Variants in SHANK2 observed in about 807,000 individuals in gnomAD.
The protein encoded by SHANK2 is SH3 and multiple ankyrin repeat domains protein 2.
In SHANK2, 43 loss-of-function variants were observed where a neutral mutation model predicts 133.7. The observed-to-expected ratio is 0.32, with a 90% confidence interval of 0.25 to 0.41. SHANK2 has a LOEUF of 0.41. Among genes scored for constraint, SHANK2 ranks in the 10% least tolerant of loss-of-function variants. The pLI, the probability that SHANK2 is intolerant of heterozygous loss-of-function variation, is 1.00. For missense variants in SHANK2, 1,994 were observed against 2,235.8 expected, an observed-to-expected ratio of 0.89 and a Z score of 2.18; for synonymous variants, 1,017 against 952.8, an observed-to-expected ratio of 1.07 and a Z score of -1.24.
intron 17 of SHANK2, among the ~76,000 whole-genome samples, chr11:70,568,646 G>GGCCC (rs2059999450): frequency 6.3e-5 from 5 of 79,960 alleles, no homozygotes; most frequent in East Asian, 3.2e-4. Context: ...GCGGATTCCT[G>GGCCC]CCCCCCCCGC....
At chr11:70,676,421 C>T (rs1263883687) in intron 15 of SHANK2, among the ~76,000 whole-genome samples, 1 of 152,198 alleles carries the variant, frequency 6.6e-6, no homozygotes, top group Non-Finnish European at 1.5e-5. Context: ...CTGGCACCCC[C>T]TCCTTTACGT....
intron 1 of SHANK2, among the ~76,000 whole-genome samples, chr11:71,237,682 A>G (rs1954840818): frequency 1.3e-5 from 2 of 152,212 alleles, no homozygotes; most frequent in Admixed American, 6.5e-5. Flanking sequence ...TTTGTCTAAC[A>G]CCAAAGGCCC....
intron 4 of SHANK2, among the ~76,000 whole-genome samples, chr11:71,115,417 C>T (rs1555100152): frequency 2.6e-5 from 4 of 151,662 alleles, no homozygotes; most frequent in South Asian, 4.2e-4. Flanking sequence ...TGCAGTGAGC[C>T]GAGATCACAC....
At chr11:71,123,264 C>A (rs1165317400) in intron 3 of SHANK2, among the ~76,000 whole-genome samples, 2 of 152,186 alleles carry the variant, frequency 1.3e-5, no homozygotes, top group Non-Finnish European at 2.9e-5. Flanking sequence ...GTGGGAGCCA[C>A]AAAGACAATA....
rs551243732 is a variant in SHANK2 at position 71,106,865 on chromosome 11, C to A, written c.592+3076G>T. Among the ~76,000 whole-genome samples the A allele has an allele frequency of 2.0e-5, 3 of 152,190 alleles. No individual in the cohort carries two copies. The East Asian group carries it at 5.8e-4, about 30-fold the overall frequency. Reference sequence around the variant, plus strand: ...AGAGGCCAGGCGTGGTGGCACACACCTGTAATCCCAACACTTCGGAAGGCC... The same window carrying A: ...AGAGGCCAGGCGTGGTGGCACACACATGTAATCCCAACACTTCGGAAGGCC... On this transcript the variant is annotated intron_variant, in intron 6 of 25. Coordinates refer to ENST00000601538, the MANE Select transcript of SHANK2 (RefSeq NM_012309.5).
At chr11:70,489,373 T>TC (rs781978450) in intron 23 of SHANK2, 25 bp from the exon 24 acceptor site, 34 of 1,613,262 alleles carry the variant, frequency 2.1e-5, no homozygotes, top group Non-Finnish European at 2.8e-5. Context: ...TCAGTTGTTA[T>TC]TAACCAGTAA....
intron 3 of SHANK2, among the ~76,000 whole-genome samples, chr11:71,123,258 G>T (rs545541692): frequency 5.3e-5 from 8 of 152,306 alleles, no homozygotes; most frequent in Admixed American, 4.6e-4. Context: ...AATGATGTGG[G>T]AGCCACAAAG....
intron 15 of SHANK2, among the ~76,000 whole-genome samples, chr11:70,697,567 T>TACTA (rs1293225434): frequency 6.6e-6 from 1 of 152,228 alleles, no homozygotes; most frequent in Non-Finnish European, 1.5e-5. Context: ...ATCGTAAACG[T>TACTA]ACTAACTGCC....
chr11:70,584,610 T>G (rs2060224308), intron 17 of SHANK2, among the ~76,000 whole-genome samples: 1 of 152,132 alleles, frequency 6.6e-6, no homozygotes, highest in South Asian at 2.1e-4. Flanking sequence ...TAAACCCACT[T>G]ACACTGCCTA....
chr11:70,859,371 C>T (rs782738326), intron 11 of SHANK2, among the ~76,000 whole-genome samples: 1 of 151,486 alleles, frequency 6.6e-6, no homozygotes, highest in Non-Finnish European at 1.5e-5. Context: ...GGTAGGCAAG[C>T]GAGTAGGTGG....
At chr11:71,231,829 C>A (rs1555122979) in intron 1 of SHANK2, among the ~76,000 whole-genome samples, 1 of 151,788 alleles carries the variant, frequency 6.6e-6, no homozygotes, top group Admixed American at 6.6e-5. Flanking sequence ...ACAGAGCTTG[C>A]AGTGAGCCAA....
At chr11:71,148,945 A>G (rs1952707647) in intron 2 of SHANK2, among the ~76,000 whole-genome samples, 1 of 151,730 alleles carries the variant, frequency 6.6e-6, no homozygotes, top group South Asian at 2.1e-4. Context: ...CCAATGCAGG[A>G]GAGCAGTTCC....
intron 2 of SHANK2, among the ~76,000 whole-genome samples, chr11:71,192,877 G>C (rs530764494): frequency 1.3e-5 from 2 of 152,304 alleles, no homozygotes; most frequent in South Asian, 4.1e-4. Context: ...ATCGCAGGCA[G>C]GGTGCTTGAG....
intron 17 of SHANK2, among the ~76,000 whole-genome samples, chr11:70,598,814 G>A (rs1293329970): frequency 5.3e-5 from 8 of 151,660 alleles, no homozygotes; most frequent in Non-Finnish European, 7.4e-5. Flanking sequence ...TGTAATTTTT[G>A]CAAGTGATAC....
At chr11:70,941,621 C>G (rs1334049894) in intron 10 of SHANK2, among the ~76,000 whole-genome samples, 1 of 151,988 alleles carries the variant, frequency 6.6e-6, no homozygotes, top group Non-Finnish European at 1.5e-5. Context: ...CGATAGGATT[C>G]GTGTCCTTAT....
chr11:70,605,449 C>A (rs2060563471), intron 17 of SHANK2, among the ~76,000 whole-genome samples: 1 of 152,242 alleles, frequency 6.6e-6, no homozygotes, highest in African/African-American at 2.4e-5. Context: ...GCTGGACACT[C>A]CACACTTGCA....
chr11:70,526,907 C>G (rs537132902), intron 17 of SHANK2, among the ~76,000 whole-genome samples: 5 of 152,214 alleles, frequency 3.3e-5, no homozygotes, highest in Admixed American at 3.3e-4. Flanking sequence ...CCTGTACCGG[C>G]CCCATCTGGC....
In SHANK2 at chr11:71,119,904, C is replaced by T. The variant is rs577828938; in HGVS notation, c.208-872G>A. On this transcript the variant is annotated intron_variant, in intron 3 of 25. Transcript: ENST00000601538. ...GGATCGTTCTTTAGCATTTCAGATT[C>T]GGTGGAAGCCTTGTCTTATAACCAC... is the stretch of plus-strand genomic sequence containing the variant. 1.4e-4 allele frequency among the ~76,000 whole-genome samples: 22 copies of T among 152,244 alleles called. No homozygotes were observed. In the East Asian group the frequency reaches 2.3e-3, roughly 16 times the overall value.
chr11:71,153,892 C>T (rs2135435681), intron 2 of SHANK2, among the ~76,000 whole-genome samples: 1 of 152,286 alleles, frequency 6.6e-6, no homozygotes, highest in African/African-American at 2.4e-5. Flanking sequence ...ATCGCTTGAA[C>T]TTGGGAGGCG....
Sources: allele counts gnomAD v4.1 joint callset (sites outside exome capture counted in the v4.1 genomes callset), GRCh38; gene constraint gnomAD v4.1.1; transcripts MANE v1.5; gene names NCBI Gene and HGNC (gene_info 2026-07-23, HGNC 2026-07-21).